Variants in WDR11 observed in about 807,000 individuals in gnomAD.
WDR11 encodes WD repeat-containing protein 11.
In WDR11, 83 loss-of-function variants were observed where a neutral mutation model predicts 151.2. The ratio of observed to expected loss-of-function variants is 0.55; its 90% CI spans 0.46 to 0.66. The LOEUF (loss-of-function observed/expected upper bound fraction) is 0.66. Among genes scored for constraint, WDR11 ranks in the 30% least tolerant of loss-of-function variants. The pLI, the probability that WDR11 is intolerant of heterozygous loss-of-function variation, is 0.00. For synonymous variants in WDR11, 484 were observed against 533.1 expected (o/e 0.91, Z 1.27); for missense variants, 1,301 against 1,480.9 (o/e 0.88, Z 1.99).
chr10:120,889,900 T>C lies in WDR11; in HGVS notation c.2234T>C (p.Ile745Thr). The C allele has an allele frequency of 2.5e-6, 4 of 1,612,236 alleles. No individual in the cohort carries two copies. The highest frequency in any genetic ancestry group is 3.4e-6 in the Non-Finnish European group (4 of 1,178,356). Residue 745 changes from isoleucine (I) to threonine (T), a missense_variant, in exon 18 of 29, where the codon ATA (isoleucine) becomes ACA (threonine). Physicochemically the swap from Ile to Thr is moderately conservative, Grantham distance 89. This residue lies in a region of WDR11 where 589 missense variants were observed against 670.6 expected (regional missense o/e 0.88). Transcript: ENST00000263461. The stretch of plus-strand genomic sequence containing the variant: ...TTTTGTTTCTTTGTCTTCAGAGGAA[T>C]ACCCACACACCGAAGTTGGGTGAGG... Reference protein sequence around the residue: ...WDLKGRVSRGIPTHRSWVRKI... With the variant: ...WDLKGRVSRGTPTHRSWVRKI...
intron 9 of WDR11, chr10:120,868,733 C>T (rs767166066): frequency 6.6e-6 from 1 of 152,188 alleles, no homozygotes; most frequent in Non-Finnish European, 1.5e-5. Flanking sequence ...CAATGGCCTC[C>T]AGTCCTGACA....
intron 4 of WDR11, among the ~76,000 whole-genome samples, chr10:120,861,494 G>A (rs991208559): frequency 3.3e-5 from 5 of 152,188 alleles, no homozygotes; most frequent in Non-Finnish European, 5.9e-5. Flanking sequence ...AAAGAAGGAA[G>A]CAAAGGGGAC....
chr10:120,908,592 G>A lies in WDR11; in HGVS notation c.3554G>A (p.Arg1185Gln), dbSNP rs138246941. 88 of 1,614,030 alleles carry A rather than the reference G, an allele frequency of 5.5e-5. No homozygotes were observed. Among genetic ancestry groups the A allele is most frequent in the African/African-American group, 2.8e-4 (21 of 74,892 alleles). Residue 1185 changes from arginine (R) to glutamine (Q), a missense_variant, in exon 29 of 29, where the codon CGG becomes CAG. Around this residue, in one of 3 missense-constraint regions of WDR11, gnomAD observed 589 missense variants for 670.6 expected, o/e 0.88. Coordinates refer to ENST00000263461, the MANE Select transcript of WDR11 (RefSeq NM_018117.12). Reference sequence around the variant, plus strand: ...ACTGCTATATATGCAGATTATGCCCGGAGTTTGAAGAACCTCGGTTTTAAG... The same window carrying A: ...ACTGCTATATATGCAGATTATGCCCAGAGTTTGAAGAACCTCGGTTTTAAG... ...LITAIYADYA[R>Q]SLKNLGFKQG... is the part of the protein sequence containing the mutation.
chr10:120,907,308 C>A (rs998564649), intron 28 of WDR11: 11 of 196,450 alleles, frequency 5.6e-5, no homozygotes, highest in Non-Finnish European at 1.2e-4. Context: ...TGATATGGGA[C>A]AAAATACAGC....
chr10:120,874,298 C>G lies in WDR11; in HGVS notation c.1556+375C>G, dbSNP rs138761303. Among the ~76,000 whole-genome samples the G allele has an allele frequency of 4.1e-3, 618 of 150,626 alleles. 2 individuals are homozygous for G. Among genetic ancestry groups the G allele is most frequent in the Middle Eastern group, 0.014 (4 of 294 alleles). Reference sequence around the variant, plus strand: ...TATTGTTGCACCTCATTTATTTCTCCTAAGGGCCAGGCTGTTTTCTCACTG... The same window carrying G: ...TATTGTTGCACCTCATTTATTTCTCGTAAGGGCCAGGCTGTTTTCTCACTG... On this transcript the variant is annotated intron_variant, in intron 11 of 28. Transcript: ENST00000263461.
At chr10:120,865,573 G>T (rs1846282841) in intron 6 of WDR11, 57 bp from the exon 7 acceptor site, 5 of 1,194,688 alleles carry the variant, frequency 4.2e-6, no homozygotes, top group Non-Finnish European at 6.0e-6. Flanking sequence ...GAGTTTCACA[G>T]TATATACTTT....
At chr10:120,871,442 C>T (rs1243604715) in intron 10 of WDR11, 96 bp downstream of exon 10, 3 of 1,313,744 alleles carry the variant, frequency 2.3e-6, no homozygotes, top group Non-Finnish European at 3.2e-6. Flanking sequence ...TTTGAGGATG[C>T]TTTAAAAGGA....
intron 17 of WDR11, chr10:120,889,482 C>T (rs182718138): frequency 1.8e-5 from 7 of 393,368 alleles, no homozygotes; most frequent in African/African-American, 6.1e-5. Flanking sequence ...CCTCGTGATC[C>T]GCCCACCTCG....
chr10:120,893,293 C>T (rs1006356987), intron 19 of WDR11, among the ~76,000 whole-genome samples: 3 of 151,632 alleles, frequency 2.0e-5, no homozygotes, highest in Non-Finnish European at 2.9e-5. Flanking sequence ...TGATAGTTTG[C>T]TGAGAATGAT....
intron 2 of WDR11, among the ~76,000 whole-genome samples, chr10:120,854,021 TTA>T (rs1007654260): frequency 6.6e-6 from 1 of 152,196 alleles, no homozygotes; most frequent in Non-Finnish European, 1.5e-5. Flanking sequence ...TTTTTCTTTT[TTA>T]AATAATAGCT....
chr10:120,871,455 T>C (rs1055348260), intron 10 of WDR11, 109 bp downstream of exon 10: 34 of 1,188,092 alleles, frequency 2.9e-5, no homozygotes, highest in Non-Finnish European at 3.7e-5. Context: ...TAAAAGGAGA[T>C]AGAGACTAAG....
intron 19 of WDR11, among the ~76,000 whole-genome samples, chr10:120,896,230 C>T (rs113754099): frequency 4.6e-5 from 7 of 152,026 alleles, no homozygotes; most frequent in African/African-American, 1.5e-4. Context: ...TGTACAAAGG[C>T]GGATTTTATA....
rs1471978738 is a variant in WDR11 at position 120,909,303 on chromosome 10, T to TAAGA, written c.*591_*594dup. 6.5e-6 allele frequency: 1 copy of TAAGA among 154,618 alleles called. No homozygotes were observed. The highest frequency in any genetic ancestry group is 2.4e-5 in the African/African-American group (1 of 41,460). 9.6% of individuals were successfully genotyped at this position (154,618 alleles called of 1,614,324 possible). On this transcript the variant is annotated 3_prime_UTR_variant, in exon 29 of 29. Transcript: ENST00000263461. The stretch of plus-strand genomic sequence containing the variant: ...AGGCTCAGAGGACCATAGGAGGTTT[T>TAAGA]AAGATTTATGTTTAGTCCGATAGGT...
intron 14 of WDR11, 40 bp downstream of exon 14, chr10:120,883,928 T>C: frequency 6.7e-7 from 1 of 1,482,908 alleles, no homozygotes; most frequent in Non-Finnish European, 9.4e-7. Flanking sequence ...TATTTAGGTA[T>C]ATATGTATGT....
chr10:120,861,067 G>A (rs1412779817), intron 4 of WDR11, among the ~76,000 whole-genome samples: 1 of 152,200 alleles, frequency 6.6e-6, no homozygotes, highest in Non-Finnish European at 1.5e-5. Context: ...AAGAATGGGG[G>A]ATGAGGGCAT....
rs184856878 is a variant in WDR11 at position 120,867,531 on chromosome 10, A to T, written c.1294+362A>T. Among the ~76,000 whole-genome samples, 1,441 of 152,352 alleles carry T rather than the reference A, an allele frequency of 9.5e-3. 21 individuals are homozygous for T. Among genetic ancestry groups the T allele is most frequent in the African/African-American group, 0.033 (1,381 of 41,580 alleles). On this transcript the variant is annotated intron_variant, in intron 9 of 28. Coordinates refer to ENST00000263461, the MANE Select transcript of WDR11 (RefSeq NM_018117.12). ...CTGGTTCCTCAGCTTGGAATGAAGT[A>T]CATGCTTCCTTTCTGTCTGCTACTC...
intron 27 of WDR11, 186 bp downstream of exon 27, chr10:120,906,207 A>G: frequency 1.4e-6 from 2 of 1,480,254 alleles, no homozygotes; most frequent in South Asian, 2.7e-5. Context: ...CATTCGGTCT[A>G]GGAGCTATGC....
Position 120,858,655 on chromosome 10 carries a change from A to G in WDR11, c.211A>G (p.Arg71Gly). 1 of 1,614,236 alleles carries G rather than the reference A, an allele frequency of 6.2e-7. No individual in the cohort carries two copies. The highest frequency in any genetic ancestry group is 1.1e-5 in the South Asian group (1 of 91,086). The change falls in exon 3 of 29, where the codon AGG becomes GGG. Residue 71 changes from arginine (R) to glycine (G), a missense_variant. Transcript: ENST00000263461. ...CTTCTTGATACAGGTTAAATGGGCC[A>G]GGGAAAACTATCACCATAACATTGG... is the stretch of plus-strand genomic sequence containing the variant. Reference protein sequence around the residue: ...KADVVKVKWARENYHHNIGSP... With the variant: ...KADVVKVKWAGENYHHNIGSP...
At chr10:120,875,949 C>T (rs1198468259) in intron 11 of WDR11, among the ~76,000 whole-genome samples, 2 of 147,938 alleles carry the variant, frequency 1.4e-5, no homozygotes, top group South Asian at 2.2e-4. Flanking sequence ...CATGCATTTT[C>T]TTAATGGAGA....
Sources: gnomAD v4.1 joint callset for allele counts (sites outside exome capture counted in the v4.1 genomes callset) on GRCh38, gnomAD v4.1.1 for gene constraint, gnomAD v4.1.1 regional missense constraint, MANE v1.5 for transcripts, NCBI Gene and HGNC (gene_info 2026-07-23, HGNC 2026-07-21) for gene names.